The following ZNF518A variants were observed in gnomAD, a reference collection of about 807,000 sequenced individuals.
ZNF518A encodes the protein zinc finger protein 518.
A neutral mutation model predicts 102.7 loss-of-function variants in ZNF518A; 47 were observed. That is an observed-to-expected ratio of 0.46 (90% confidence interval 0.36 to 0.58). ZNF518A has a LOEUF of 0.58. Ranked by LOEUF, ZNF518A falls within the 20% of genes least tolerant of loss-of-function variation. ZNF518A has a pLI of 0.00. For synonymous variants in ZNF518A, 652 were observed against 594.6 expected, an observed-to-expected ratio of 1.10 and a Z score of -1.40; for missense variants, 1,793 against 1,699.8, an observed-to-expected ratio of 1.05 and a Z score of -0.96.
At chr10:96,195,398 T>G (rs1192043586) in intron 1 of ZNF518A, among the ~76,000 whole-genome samples, 1 of 152,028 alleles carries the variant, frequency 6.6e-6, no homozygotes, top group African/African-American at 2.4e-5. Flanking sequence ...AGCCAAGAGG[T>G]AGAAGCAACA....
chr10:96,147,398 G>A (rs1554878888), intron 3 of ZNF518A, among the ~76,000 whole-genome samples: 1 of 152,158 alleles, frequency 6.6e-6, no homozygotes, highest in Non-Finnish European at 1.5e-5. Context: ...TCATCTTGGG[G>A]ATATTATTTA....
chr10:96,158,142 C>A lies in ZNF518A; in HGVS notation c.1820C>A (p.Pro607Gln). Residue 607 changes from proline (P) to glutamine (Q), a missense_variant, in exon 6 of 6, where the codon CCA becomes CAA. Physicochemically the swap from Pro to Gln is moderately conservative, Grantham distance 76. Coordinates refer to ENST00000316045, the MANE Select transcript of ZNF518A (RefSeq NM_001330736.2). Reference protein sequence around the residue: ...SPDKVNCVAKPNAYNSGDMHN... With the variant: ...SPDKVNCVAKQNAYNSGDMHN... ...GATAAAGTCAACTGTGTTGCCAAAC[C>A]AAATGCATACAACAGTGGAGATATG... The A allele has an allele frequency of 6.2e-7, 1 of 1,613,476 alleles. No homozygotes were observed. The highest frequency in any genetic ancestry group is 8.5e-7 in the Non-Finnish European group (1 of 1,179,648).
In ZNF518A at chr10:96,202,365, T is replaced by G. The variant is rs180947273; in HGVS notation, n.36-1209T>G. ...GTTCTTGCAGGAGATGACAGTGACT[T>G]GGACAGATCACAGCAGTGGAAGCAG... On this transcript the variant is annotated intron_variant and non_coding_transcript_variant, in intron 1 of 2. Coordinates refer to the ZNF518A transcript ENST00000442635. Among the ~76,000 whole-genome samples the G allele has an allele frequency of 1.8e-3, 274 of 152,210 alleles. 1 individual carries two copies. The highest frequency in any genetic ancestry group is 6.2e-3 in the African/African-American group (257 of 41,530).
chr10:96,146,692 A>C (rs977602170), intron 3 of ZNF518A, among the ~76,000 whole-genome samples: 43 of 152,360 alleles, frequency 2.8e-4, no homozygotes, highest in African/African-American at 9.9e-4. Context: ...CAACTATTTA[A>C]GAAACAGAAG....
At position 96,156,431 on chromosome 10, in the gene ZNF518A, A is replaced by C; in HGVS notation, c.109A>C (p.Ile37Leu). ...TGATAGGTCGGCACCTAAACCAAAA[A>C]TTTCAGGAAGTATTCATTATGCACT... is the stretch of plus-strand genomic sequence containing the variant. ...IVDRSAPKPK[I>L]SGSIHYALKN... The change falls in exon 6 of 6, where the codon ATT becomes CTT. Residue 37 changes from isoleucine (I) to leucine (L), a missense_variant. Ile to Leu is a conservative substitution (Grantham distance 5). Transcript: ENST00000316045. 1 of 1,612,964 alleles carries C rather than the reference A, an allele frequency of 6.2e-7. No individual in the cohort carries two copies. Among genetic ancestry groups the C allele is most frequent in the Non-Finnish European group, 8.5e-7 (1 of 1,179,542 alleles).
At chr10:96,144,251 G>T (rs1243577272) in intron 3 of ZNF518A, among the ~76,000 whole-genome samples, 1 of 152,014 alleles carries the variant, frequency 6.6e-6, no homozygotes, top group African/African-American at 2.4e-5. Flanking sequence ...TTCCCAAAGT[G>T]CTAGGATTAT....
chr10:96,203,716 A>G (rs1298227510), intron 2 of ZNF518A: 2 of 191,430 alleles, frequency 1.0e-5, no homozygotes, highest in African/African-American at 4.7e-5. Context: ...CAAACACTAT[A>G]GCTGGTGCTT....
In ZNF518A at chr10:96,158,137, C is replaced by T. The variant is rs2082795047; in HGVS notation, c.1815C>T (p.Ala605=). The part of the protein sequence containing the change: ...IKSPDKVNCV[A]KPNAYNSGDM... ...GTCCAGATAAAGTCAACTGTGTTGC[C>T]AAACCAAATGCATACAACAGTGGAG... Residue 605 remains alanine (A), a synonymous_variant, in exon 6 of 6, where the codon GCC becomes GCT. Transcript: ENST00000316045. 1.2e-6 allele frequency: 2 copies of T among 1,613,330 alleles called. No individual in the cohort carries two copies. Among genetic ancestry groups the T allele is most frequent in the South Asian group, 1.1e-5 (1 of 91,044 alleles).
intron 1 of ZNF518A, among the ~76,000 whole-genome samples, chr10:96,192,358 ATAT>A (rs1160150320): frequency 6.6e-6 from 1 of 152,192 alleles, no homozygotes; most frequent in Non-Finnish European, 1.5e-5. Flanking sequence ...TTATGATAAA[ATAT>A]TATAGTATAT....
chr10:96,157,510 G>C lies in ZNF518A; in HGVS notation c.1188G>C (p.Leu396=). ...CAGAGTCAGAGAAGCCAACTCCTCT[G>C]TCCACTGGGCAAGGTAATAGAGCTG... is the stretch of plus-strand genomic sequence containing the variant. The part of the protein sequence containing the change: ...PESESEKPTP[L]STGQGNRAEE... The change falls in exon 6 of 6, where the codon CTG becomes CTC. Residue 396 remains leucine, a synonymous_variant. Coordinates refer to ENST00000316045, the MANE Select transcript of ZNF518A (RefSeq NM_001330736.2). 1 of 1,613,824 alleles carries C rather than the reference G, an allele frequency of 6.2e-7. No homozygotes were observed. The highest frequency in any genetic ancestry group is 8.5e-7 in the Non-Finnish European group (1 of 1,179,772).
At chr10:96,196,954 T>G in intron 1 of ZNF518A, 1 of 1,613,630 alleles carries the variant, frequency 6.2e-7, no homozygotes, top group Non-Finnish European at 8.5e-7. Flanking sequence ...TTTTGTTGCT[T>G]CAATAAATCG....
chr10:96,199,591 G>T, intron 1 of ZNF518A: 1 of 450,432 alleles, frequency 2.2e-6, no homozygotes, highest in Non-Finnish European at 4.5e-6. Flanking sequence ...AGAGAGGAGG[G>T]GATAGCAGTT....
In ZNF518A at chr10:96,183,999, G is replaced by A. The variant is rs112421308; in HGVS notation, n.36-19575G>A. Among the ~76,000 whole-genome samples the A allele has an allele frequency of 1.7e-3, 258 of 152,262 alleles. 3 individuals are homozygous for A. Among genetic ancestry groups the A allele is most frequent in the African/African-American group, 5.7e-3 (237 of 41,528 alleles). ...TTGCTTTATGAATCTGGGTGCTCCC[G>A]TATTGGGTGCATATAGATTTAGGAT... On this transcript the variant is annotated intron_variant and non_coding_transcript_variant, in intron 1 of 2. Coordinates refer to the ZNF518A transcript ENST00000442635.
At chr10:96,179,374 T>A (rs1244808735) in intron 1 of ZNF518A, among the ~76,000 whole-genome samples, 4 of 152,138 alleles carry the variant, frequency 2.6e-5, no homozygotes, top group African/African-American at 9.7e-5. Flanking sequence ...CATGAAAAGA[T>A]ACTCAGTATC....
At chr10:96,132,876 C>T (rs757989486) in intron 2 of ZNF518A, 54 of 151,778 alleles carry the variant, frequency 3.6e-4, no homozygotes, top group Non-Finnish European at 6.5e-4. Context: ...ATTTGAGATG[C>T]TCAACTGGTA....
At chr10:96,142,815 T>C (rs2082000351) in intron 3 of ZNF518A, among the ~76,000 whole-genome samples, 1 of 151,824 alleles carries the variant, frequency 6.6e-6, no homozygotes, top group African/African-American at 2.4e-5. Flanking sequence ...CTTTTTTTTT[T>C]TTTTTATTGC....
chr10:96,159,065 T>C lies in ZNF518A; in HGVS notation c.2743T>C (p.Phe915Leu). 6.2e-7 allele frequency: 1 copy of C among 1,613,566 alleles called. No homozygotes were observed. The highest frequency in any genetic ancestry group is 2.2e-5 in the East Asian group (1 of 44,882). ...LRATTQNLGSFYMQSPLLNSE... is the reference protein window; with the variant it reads ...LRATTQNLGSLYMQSPLLNSE... ...AGCCACCACACAAAATTTAGGTTCTTTTTATATGCAGAGTCCACTTTTAAA... is the reference window on the plus strand; with the variant it reads ...AGCCACCACACAAAATTTAGGTTCTCTTTATATGCAGAGTCCACTTTTAAA... The change falls in exon 6 of 6, where the codon TTT becomes CTT. Residue 915 changes from phenylalanine to leucine, a missense_variant. By Grantham distance (22) the Phe-to-Leu change is conservative. Transcript: ENST00000316045.
At chr10:96,177,887 A>G (rs587605003) in intron 1 of ZNF518A, among the ~76,000 whole-genome samples, 1 of 152,250 alleles carries the variant, frequency 6.6e-6, no homozygotes, top group Admixed American at 6.5e-5. Context: ...AAAAAGAAAT[A>G]CCTCAATGAT....
At chr10:96,143,482 AC>A (rs1314960942) in intron 3 of ZNF518A, among the ~76,000 whole-genome samples, 2 of 152,114 alleles carry the variant, frequency 1.3e-5, no homozygotes, top group African/African-American at 4.8e-5. Context: ...CTTCTTTCTT[AC>A]ATGTTTTAAG....
Sources: allele counts gnomAD v4.1 joint callset (sites outside exome capture counted in the v4.1 genomes callset), GRCh38; gene constraint gnomAD v4.1.1; transcripts MANE v1.5; gene names NCBI Gene and HGNC (gene_info 2026-07-23, HGNC 2026-07-21).